Variants in CHDH observed in about 807,000 individuals in gnomAD.
The protein encoded by CHDH is choline dehydrogenase, mitochondrial.
A neutral mutation model predicts 56.9 loss-of-function variants in CHDH; 43 were observed. The observed-to-expected ratio is 0.76, with a 90% CI of 0.59 to 0.97. CHDH has a LOEUF of 0.97. Ranked by LOEUF, CHDH falls within the 50% of genes least tolerant of loss-of-function variation. CHDH has a pLI of 0.00. For synonymous variants in CHDH, 364 were observed against 348.5 expected (o/e 1.04, Z -0.50); for missense variants, 816 against 821.1 (o/e 0.99, Z 0.08).
chr3:53,817,686 T>C lies in CHDH; in HGVS notation c.*91A>G, dbSNP rs1340328235. 17 of 1,109,376 alleles carry C rather than the reference T, an allele frequency of 1.5e-5. No individual in the cohort carries two copies. Among genetic ancestry groups the C allele is most frequent in the African/African-American group, 1.1e-4 (7 of 63,434 alleles). The allele number at this position is 1,109,376 out of a possible 1,614,324, so 68.7% of individuals were successfully genotyped here. On this transcript the variant is annotated 3_prime_UTR_variant, in exon 9 of 9. Transcript: ENST00000315251. Reference sequence around the variant, plus strand: ...ACCACCTGGGTCCTAGTGTGCTAGATAGTTTCAGGCAGGAGCCTGGGAGCA... The same window carrying C: ...ACCACCTGGGTCCTAGTGTGCTAGACAGTTTCAGGCAGGAGCCTGGGAGCA...
intron 1 of CHDH, among the ~76,000 whole-genome samples, chr3:53,843,752 T>C (rs757531519): frequency 2.6e-5 from 4 of 152,066 alleles, no homozygotes; most frequent in Non-Finnish European, 5.9e-5. Context: ...AATTTATGAC[T>C]GAAGGGAGAA....
At chr3:53,834,271 C>T (rs373859959) in intron 2 of CHDH, among the ~76,000 whole-genome samples, 1 of 152,102 alleles carries the variant, frequency 6.6e-6, no homozygotes, top group African/African-American at 2.4e-5. Flanking sequence ...ACATGGTGAA[C>T]CCTGTCTCTA....
rs1286355718 is a variant in CHDH at position 53,823,582 on chromosome 3, G to A, written c.427C>T (p.His143Tyr). ...TGCCAGCGCTCGTAGTCCTCGGCGT[G>A]CCCACGGACGTAGACCATGGCATTG... ...SLNAMVYVRG[H>Y]AEDYERWQRQ... The change falls in exon 3 of 9, where the codon CAC becomes TAC. Residue 143 changes from histidine (H) to tyrosine (Y), a missense_variant. His to Tyr is a moderately conservative substitution (Grantham distance 83, BLOSUM62 2). Coordinates refer to ENST00000315251, the MANE Select transcript of CHDH (RefSeq NM_018397.5). The A allele has an allele frequency of 1.0e-5, 16 of 1,543,382 alleles. No individual in the cohort carries two copies. Among genetic ancestry groups the A allele is most frequent in the Admixed American group, 2.0e-5 (1 of 50,942 alleles).
chr3:53,835,274 A>G (rs1160174605), intron 2 of CHDH, among the ~76,000 whole-genome samples: 1 of 152,266 alleles, frequency 6.6e-6, no homozygotes, highest in African/African-American at 2.4e-5. Context: ...ACATTTAAAA[A>G]GTGGCCACCA....
In CHDH at chr3:53,823,944, T is replaced by A; in HGVS notation, c.65A>T (p.Gln22Leu). The A allele has an allele frequency of 1.3e-6, 2 of 1,535,824 alleles. No individual in the cohort carries two copies. Among genetic ancestry groups the A allele is most frequent in the Non-Finnish European group, 1.7e-6 (2 of 1,149,196 alleles). The change falls in exon 3 of 9, where the codon CAG becomes CTG. Residue 22 changes from glutamine (Q) to leucine (L), a missense_variant. Gln to Leu is a moderately radical substitution (Grantham distance 113). Transcript: ENST00000315251. ...CAGGGCCCGGGCACCCAGGGATTGC[T>A]GCTGCCCCAGGGCTCCCCGTGCCAG... is the stretch of plus-strand genomic sequence containing the variant. ...GALARGALGQ[Q>L]QSLGARALAS... is the part of the protein sequence containing the mutation.
Position 53,846,380 on chromosome 3 carries a change from G to A in CHDH, c.-428C>T, listed in dbSNP as rs1698889524. ...CCGCGGCGGCCCGTGCTCCGCCAGC[G>A]CTCGGACACGGCCCATCCCTCCGAG... On this transcript the variant is annotated 5_prime_UTR_variant, in exon 1 of 9. Transcript: ENST00000315251. 1 of 484,178 alleles carries A rather than the reference G, an allele frequency of 2.1e-6. No individual in the cohort carries two copies. The highest frequency in any genetic ancestry group is 3.5e-6 in the Non-Finnish European group (1 of 283,534). 30.0% of individuals were successfully genotyped at this position (484,178 alleles called of 1,614,324 possible). A position where few individuals can be genotyped will look rare whatever the true frequency, so the allele number is the denominator to read the frequency against.
chr3:53,822,633 C>T lies in CHDH; in HGVS notation c.713G>A (p.Trp238Ter), dbSNP rs775460857. ...GTGCAGGTAGGCACAGGCCGCGCTC[C>T]ACCGTTTGCCTGCAGGATGGAGTGA... ...MDMTIHEGKRWSAACAYLHPA... is the reference protein window; with the variant it reads ...MDMTIHEGKR Residue 238 changes from tryptophan (W) to a stop codon, truncating the protein, a stop_gained, in exon 4 of 9, where the codon TGG becomes TAG. Transcript: ENST00000315251. LOFTEE classifies it high-confidence loss of function. The T allele has an allele frequency of 1.9e-6, 3 of 1,608,248 alleles. No homozygotes were observed. The Admixed American group carries it at 5.0e-5, about 27-fold the overall frequency.
At chr3:53,824,225 G>A (rs1294285066) in intron 2 of CHDH, among the ~76,000 whole-genome samples, 158 bp from the exon 3 acceptor site, 1 of 152,252 alleles carries the variant, frequency 6.6e-6, no homozygotes, top group Admixed American at 6.5e-5. Context: ...TTTCAGAACT[G>A]TTTTGTATGT....
chr3:53,819,824 G>C lies in CHDH; in HGVS notation c.1121-150C>G. The C allele has an allele frequency of 1.1e-6, 1 of 912,478 alleles. No homozygotes were observed. Among genetic ancestry groups the C allele is most frequent in the East Asian group, 2.9e-5 (1 of 34,724 alleles). The allele number at this position is 912,478 out of a possible 1,614,324, so 56.5% of individuals were successfully genotyped here. Reference sequence around the variant, plus strand: ...CTGGACCCAAGTCCTGTCCACATCTGTTCACCCCTCACAGGGGGCTCACCC... The same window carrying C: ...CTGGACCCAAGTCCTGTCCACATCTCTTCACCCCTCACAGGGGGCTCACCC... On this transcript the variant is annotated intron_variant, in intron 6 of 8. Coordinates refer to ENST00000315251, the MANE Select transcript of CHDH (RefSeq NM_018397.5). The surrounding 1 kb of genome is among the most constrained non-coding windows in gnomAD (Gnocchi z 5.4).
At chr3:53,824,224 T>C (rs1331593823) in intron 2 of CHDH, among the ~76,000 whole-genome samples, 157 bp from the exon 3 acceptor site, 1 of 152,222 alleles carries the variant, frequency 6.6e-6, no homozygotes. Context: ...ATTTCAGAAC[T>C]GTTTTGTATG....
At position 53,821,842 on chromosome 3, in the gene CHDH, C is replaced by T. The variant is rs999502366; in HGVS notation, c.856-66G>A. 2.5e-6 allele frequency: 4 copies of T among 1,587,358 alleles called. No individual in the cohort carries two copies. In the African/African-American group the frequency reaches 5.4e-5, roughly 21 times the overall value. On this transcript the variant is annotated intron_variant, in intron 4 of 8. Transcript: ENST00000315251. ...TGTTCTCCTGACTCACAGACCAGCG[C>T]CCTACTCTAGCCAGCACCATGAGAA...
chr3:53,823,717 G>A lies in CHDH; in HGVS notation c.292C>T (p.Leu98=), dbSNP rs2095633171. 3 of 1,551,960 alleles carry A rather than the reference G, an allele frequency of 1.9e-6. No individual in the cohort carries two copies. The highest frequency in any genetic ancestry group is 2.4e-5 in the East Asian group (1 of 41,126). Residue 98 remains leucine (L), a synonymous_variant, in exon 3 of 9, where the codon CTG becomes TTG. Transcript: ENST00000315251. Reference sequence around the variant, plus strand: ...CACCAGTTGTACCTGTCGTCGCACAGGTTGGCCACCAGGGCCGCGGGCATG... The same window carrying A: ...CACCAGTTGTACCTGTCGTCGCACAAGTTGGCCACCAGGGCCGCGGGCATG... ...IHMPAALVAN[L]CDDRYNWCYH...
At chr3:53,845,264 T>C (rs1043378474) in intron 1 of CHDH, among the ~76,000 whole-genome samples, 2 of 152,116 alleles carry the variant, frequency 1.3e-5, no homozygotes, top group Non-Finnish European at 2.9e-5. Flanking sequence ...TGATCCCCAG[T>C]CCATGCAAGC....
intron 3 of CHDH, 54 bp from the exon 4 acceptor site, chr3:53,822,696 G>A: frequency 6.3e-7 from 1 of 1,575,884 alleles, no homozygotes; most frequent in South Asian, 1.1e-5. Flanking sequence ...CTGGCACCTG[G>A]GCAGGAGGAA....
At position 53,823,569 on chromosome 3, in the gene CHDH, T is replaced by TAGTCCTCGGCGTGCCC; in HGVS notation, c.424_439dup (p.Tyr147TrpfsTer93). ...GGCGCCCTGGCGCTGCCAGCGCTCG[T>TAGTCCTCGGCGTGCCC]AGTCCTCGGCGTGCCCACGGACGTA... On this transcript the variant is annotated frameshift_variant, in exon 3 of 9. Coordinates refer to ENST00000315251, the MANE Select transcript of CHDH (RefSeq NM_018397.5). LOFTEE classifies it high-confidence loss of function. 1 of 1,543,274 alleles carries TAGTCCTCGGCGTGCCC rather than the reference T, an allele frequency of 6.5e-7. No individual in the cohort carries two copies. Among genetic ancestry groups the TAGTCCTCGGCGTGCCC allele is most frequent in the Non-Finnish European group, 8.7e-7 (1 of 1,146,240 alleles).
At chr3:53,831,383 T>C (rs1200079973) in intron 2 of CHDH, among the ~76,000 whole-genome samples, 2 of 152,226 alleles carry the variant, frequency 1.3e-5, no homozygotes, top group African/African-American at 4.8e-5. Flanking sequence ...CACCGCTGGC[T>C]AACTGTAGAG....
At chr3:53,838,056 CAAAAAAAAAAAAAAA>C (rs34971544) in intron 2 of CHDH, among the ~76,000 whole-genome samples, 1 of 58,788 alleles carries the variant, frequency 1.7e-5, no homozygotes, top group Non-Finnish European at 3.0e-5. Flanking sequence ...GACTCTGTCT[CAAAAAAAAAAAAAAA>C]AAAAAAAAAA....
At chr3:53,832,340 G>A (rs746975901) in intron 2 of CHDH, among the ~76,000 whole-genome samples, 6 of 152,140 alleles carry the variant, frequency 3.9e-5, no homozygotes, top group African/African-American at 7.2e-5. Flanking sequence ...GACCATCCTG[G>A]ATAACATGGT....
At chr3:53,842,811 G>A (rs1477436672) in intron 1 of CHDH, among the ~76,000 whole-genome samples, 1 of 152,136 alleles carries the variant, frequency 6.6e-6, no homozygotes, top group Non-Finnish European at 1.5e-5. Context: ...AATTGACCCT[G>A]CCAAGCTTAA....
Sources: gnomAD v4.1 joint callset for allele counts (sites outside exome capture counted in the v4.1 genomes callset) on GRCh38, gnomAD v4.1.1 for gene constraint, Gnocchi (gnomAD v3.1) non-coding constraint, MANE v1.5 for transcripts, NCBI Gene and HGNC (gene_info 2026-07-23, HGNC 2026-07-21) for gene names.